The following BTBD10 variants were observed in gnomAD, a reference collection of about 807,000 sequenced individuals.
BTBD10 encodes BTB domain containing 10.
In BTBD10, 21 loss-of-function variants were observed where a neutral mutation model predicts 53.2. That is an observed-to-expected ratio of 0.39 (90% CI 0.28 to 0.57). The LOEUF (loss-of-function observed/expected upper bound fraction) is 0.57. Ranked by LOEUF, BTBD10 falls within the 20% of genes least tolerant of loss-of-function variation. The pLI is 0.53. For synonymous variants in BTBD10, 149 were observed against 192.7 expected (o/e 0.77, Z 1.88); for missense variants, 360 against 594.7 (o/e 0.61, Z 4.10).
At chr11:13,409,650 TCA>T (rs1949898860) in intron 6 of BTBD10, among the ~76,000 whole-genome samples, 1 of 152,186 alleles carries the variant, frequency 6.6e-6, no homozygotes, top group Non-Finnish European at 1.5e-5. Context: ...CAGCTTTCCC[TCA>T]CTCTTTGCCA....
intron 5 of BTBD10, among the ~76,000 whole-genome samples, chr11:13,416,376 C>A (rs12802900): frequency 0.44 from 67,019 of 151,028 alleles, 16,137 homozygotes; most frequent in South Asian, 0.62. Flanking sequence ...ACAACAACAA[C>A]AAAAAAAACC....
chr11:13,461,866 C>T lies in BTBD10; in HGVS notation c.-58+1226G>A, dbSNP rs956326494. The stretch of plus-strand genomic sequence containing the variant: ...AATATAATAGCTGTTAGGTCATACA[C>T]GCTGAGAAATATTGGGAAAATTTAT... On this transcript the variant is annotated intron_variant, in intron 1 of 8. Transcript: ENST00000278174. Among the ~76,000 whole-genome samples, 87 of 151,942 alleles carry T rather than the reference C, an allele frequency of 5.7e-4. 1 individual carries two copies. The highest frequency in any genetic ancestry group is 2.0e-3 in the African/African-American group (81 of 41,430).
At chr11:13,403,699 A>G (rs1949759361) in intron 7 of BTBD10, among the ~76,000 whole-genome samples, 1 of 152,224 alleles carries the variant, frequency 6.6e-6, no homozygotes, top group Non-Finnish European at 1.5e-5. Context: ...TGCCTTGTCA[A>G]AGAGTACAAA....
At chr11:13,452,918 T>G (rs1204075617) in intron 1 of BTBD10, among the ~76,000 whole-genome samples, 1 of 152,208 alleles carries the variant, frequency 6.6e-6, no homozygotes, top group Admixed American at 6.5e-5. Context: ...TTGTGTATAT[T>G]TTATTAGTTC....
At chr11:13,430,784 C>T (rs1035342478) in intron 2 of BTBD10, among the ~76,000 whole-genome samples, 1 of 151,828 alleles carries the variant, frequency 6.6e-6, no homozygotes, top group Non-Finnish European at 1.5e-5. Flanking sequence ...CTCTCCACCA[C>T]AAAAAATAAA....
chr11:13,394,155 G>A (rs1949475554), intron 8 of BTBD10, among the ~76,000 whole-genome samples: 2 of 152,172 alleles, frequency 1.3e-5, no homozygotes, highest in African/African-American at 4.8e-5. Context: ...GCACAAAGGA[G>A]CATCTTAATC....
chr11:13,403,996 T>C (rs560786168), intron 7 of BTBD10, among the ~76,000 whole-genome samples: 4 of 152,290 alleles, frequency 2.6e-5, no homozygotes, highest in Admixed American at 6.5e-5. Context: ...CGGGTTGAGT[T>C]ATCTCCCTTA....
rs1311879482 is a variant in BTBD10, at chr11:13,388,053, ACTC to A, written c.*775_*777del. ...CAATGGAATTTTATTTTGATGAAAA[ACTC>A]AAGTTTACAATCATTTAGTAAATGA... is the stretch of plus-strand genomic sequence containing the variant. On this transcript the variant is annotated 3_prime_UTR_variant, in exon 9 of 9. Coordinates refer to ENST00000278174, the MANE Select transcript of BTBD10 (RefSeq NM_032320.7). 1 of 152,488 alleles carries A rather than the reference ACTC, an allele frequency of 6.6e-6. No homozygotes were observed. Among genetic ancestry groups the A allele is most frequent in the African/African-American group, 2.4e-5 (1 of 41,394 alleles). The allele number at this position is 152,488 out of a possible 1,614,324, so 9.4% of individuals were successfully genotyped here. A position where few individuals can be genotyped will look rare whatever the true frequency, so the allele number is the denominator to read the frequency against.
intron 2 of BTBD10, among the ~76,000 whole-genome samples, chr11:13,426,996 A>C (rs1374713555): frequency 6.6e-6 from 1 of 152,208 alleles, no homozygotes; most frequent in Non-Finnish European, 1.5e-5. Flanking sequence ...CTGGCAGATC[A>C]CTTGAGCCCA....
rs1414955531 is a variant in BTBD10 at position 13,443,504 on chromosome 11, A to G, written c.101+1520T>C. 8.5e-5 allele frequency among the ~76,000 whole-genome samples: 13 copies of G among 152,258 alleles called. No homozygotes were observed. In the East Asian group the frequency reaches 2.5e-3, roughly 29 times the overall value. ...TTTCAGCAGAAAAACAGCAAGAACT[A>G]GGATGAATACTATATAATTCACTTG... On this transcript the variant is annotated intron_variant, in intron 2 of 8. Coordinates refer to ENST00000278174, the MANE Select transcript of BTBD10 (RefSeq NM_032320.7).
At position 13,413,540 on chromosome 11, in the gene BTBD10, A is replaced by G. The variant is rs1445280750; in HGVS notation, c.798T>C (p.Cys266=). ...AAACATCATACTTACTGAGATCTCTACATTTAATAGTGCTATATTCAAAAG... is the reference window on the plus strand; with the variant it reads ...AAACATCATACTTACTGAGATCTCTGCATTTAATAGTGCTATATTCAAAAG... ...CISFEYSTIK[C]RDLSALMHEL... Residue 266 remains cysteine (C), a synonymous_variant, in exon 6 of 9, where the codon TGT becomes TGC. Coordinates refer to ENST00000278174, the MANE Select transcript of BTBD10 (RefSeq NM_032320.7). 4.2e-5 allele frequency: 68 copies of G among 1,606,814 alleles called. No homozygotes were observed. Among genetic ancestry groups the G allele is most frequent in the Non-Finnish European group, 5.8e-5 (68 of 1,176,702 alleles).
chr11:13,403,785 T>C (rs1949760970), intron 7 of BTBD10, among the ~76,000 whole-genome samples: 1 of 152,152 alleles, frequency 6.6e-6, no homozygotes, highest in Non-Finnish European at 1.5e-5. Context: ...CCCCACAAAC[T>C]GTTTTCCATT....
intron 4 of BTBD10, among the ~76,000 whole-genome samples, chr11:13,418,958 C>G (rs1192239964): frequency 7.2e-6 from 1 of 139,798 alleles, no homozygotes; most frequent in Non-Finnish European, 1.5e-5. Flanking sequence ...TTGCTAACTA[C>G]TTGTTGACAT....
intron 1 of BTBD10, among the ~76,000 whole-genome samples, chr11:13,448,324 A>C (rs1950787704): frequency 6.6e-6 from 1 of 152,114 alleles, no homozygotes; most frequent in South Asian, 2.1e-4. Context: ...TTAGGATTCC[A>C]TCTTCCTCTC....
At chr11:13,398,225 C>A (rs991213409) in intron 8 of BTBD10, among the ~76,000 whole-genome samples, 2 of 152,060 alleles carry the variant, frequency 1.3e-5, no homozygotes, top group African/African-American at 4.8e-5. Flanking sequence ...TCTGGGTGCT[C>A]CTCTATTGGG....
At position 13,413,521 on chromosome 11, in the gene BTBD10, C is replaced by A; in HGVS notation, c.808+9G>T. ...TACAAACCACTTACACACAAAACAT[C>A]ATACTTACTGAGATCTCTACATTTA... On this transcript the variant is annotated intron_variant, in intron 6 of 8. Transcript: ENST00000278174. 1 of 1,596,750 alleles carries A rather than the reference C, an allele frequency of 6.3e-7. No individual in the cohort carries two copies. The highest frequency in any genetic ancestry group is 8.5e-7 in the Non-Finnish European group (1 of 1,172,438).
At chr11:13,422,373 C>T (rs1452228222) in intron 2 of BTBD10, among the ~76,000 whole-genome samples, 1 of 152,132 alleles carries the variant, frequency 6.6e-6, no homozygotes, top group Admixed American at 6.5e-5. Context: ...CTTAGCCAGG[C>T]ACAGTGAATC....
chr11:13,422,344 G>A (rs61360242), intron 2 of BTBD10, among the ~76,000 whole-genome samples: 5,165 of 151,868 alleles, frequency 0.034, 286 homozygotes, highest in African/African-American at 0.12. Context: ...TTTTTTTAAA[G>A]TTTTTCTGAA....
intron 5 of BTBD10, among the ~76,000 whole-genome samples, chr11:13,414,334 TA>T (rs1046906849): frequency 6.6e-6 from 1 of 152,058 alleles, no homozygotes; most frequent in East Asian, 1.9e-4. Flanking sequence ...TATGGACAGC[TA>T]AAAAAACACT....
Sources: gnomAD v4.1 joint callset for allele counts (sites outside exome capture counted in the v4.1 genomes callset) on GRCh38, gnomAD v4.1.1 for gene constraint, MANE v1.5 for transcripts, NCBI Gene and HGNC (gene_info 2026-07-23, HGNC 2026-07-21) for gene names.